Variants in AGBL4 observed in about 807,000 individuals in gnomAD.
AGBL4 encodes the protein AGBL carboxypeptidase 4.
A neutral mutation model predicts 66.4 loss-of-function variants in AGBL4; 58 were observed. The observed-to-expected ratio is 0.87, with a 90% CI of 0.71 to 1.09. AGBL4 has a LOEUF of 1.09. AGBL4 is among the 50% of genes least tolerant of loss of function. The pLI, the probability that AGBL4 is intolerant of heterozygous loss-of-function variation, is 0.00. For missense variants in AGBL4, 579 were observed against 631.0 expected (o/e 0.92, Z 0.88); for synonymous variants, 234 against 222.9 (o/e 1.05, Z -0.44).
intron 2 of AGBL4, among the ~76,000 whole-genome samples, chr1:49,715,034 G>T (rs541232885): frequency 6.6e-6 from 1 of 151,964 alleles, no homozygotes; most frequent in Non-Finnish European, 1.5e-5. Context: ...TGTTACATAG[G>T]TATACACATG....
At chr1:48,651,842 T>C (rs1645935703) in intron 8 of AGBL4, among the ~76,000 whole-genome samples, 1 of 152,228 alleles carries the variant, frequency 6.6e-6, no homozygotes, top group South Asian at 2.1e-4. Context: ...GAGTAAGTAC[T>C]ATTTCATCTC....
chr1:48,590,508 A>T, intron 10 of AGBL4, among the ~76,000 whole-genome samples: 1 of 152,084 alleles, frequency 6.6e-6, no homozygotes, highest in Admixed American at 6.6e-5. Flanking sequence ...GTGAGCCATG[A>T]TCATACCACT....
At chr1:49,073,860 T>C (rs1010773861) in intron 4 of AGBL4, among the ~76,000 whole-genome samples, 12 of 152,196 alleles carry the variant, frequency 7.9e-5, no homozygotes, top group Non-Finnish European at 1.8e-4. Context: ...CAGCTGCCCT[T>C]TCCCCCAGGT....
intron 1 of AGBL4, among the ~76,000 whole-genome samples, chr1:50,022,112 A>G (rs1013094947): frequency 3.3e-5 from 5 of 152,144 alleles, no homozygotes; most frequent in African/African-American, 9.7e-5. Flanking sequence ...CTTCCAGACA[A>G]TATCAGTAAT....
intron 6 of AGBL4, among the ~76,000 whole-genome samples, chr1:48,671,754 C>T (rs1003454639): frequency 1.3e-5 from 2 of 152,180 alleles, no homozygotes; most frequent in African/African-American, 2.4e-5. Flanking sequence ...ACAGGAAAGC[C>T]ACAACTTTGC....
intron 6 of AGBL4, among the ~76,000 whole-genome samples, chr1:48,738,564 A>T (rs1483117842): frequency 1.3e-5 from 2 of 152,210 alleles, no homozygotes; most frequent in Non-Finnish European, 2.9e-5. Context: ...TCCCTTGATG[A>T]CACTTGAAGC....
chr1:49,952,309 G>C (rs541460660), intron 1 of AGBL4, among the ~76,000 whole-genome samples: 1 of 151,746 alleles, frequency 6.6e-6, no homozygotes, highest in South Asian at 2.1e-4. Flanking sequence ...ACATGTAGTG[G>C]GGAATGATAC....
intron 3 of AGBL4, among the ~76,000 whole-genome samples, chr1:49,501,309 TA>T (rs1169263663): frequency 6.6e-6 from 1 of 152,092 alleles, no homozygotes; most frequent in African/African-American, 2.4e-5. Flanking sequence ...ATTATGGTTT[TA>T]CTCCAAAAGA....
intron 3 of AGBL4, among the ~76,000 whole-genome samples, chr1:49,265,346 G>A (rs183649298): frequency 1.3e-5 from 2 of 152,160 alleles, no homozygotes; most frequent in African/African-American, 4.8e-5. Context: ...GTGTGAAATG[G>A]GCAGAACTAC....
intron 4 of AGBL4, among the ~76,000 whole-genome samples, chr1:49,073,912 GA>G (rs1163896117): frequency 3.3e-5 from 5 of 152,296 alleles, no homozygotes; most frequent in African/African-American, 1.2e-4. Flanking sequence ...ATAACTCTCT[GA>G]CTGGGGCTGC....
At chr1:48,728,293 T>C (rs996611759) in intron 6 of AGBL4, among the ~76,000 whole-genome samples, 1 of 152,164 alleles carries the variant, frequency 6.6e-6, no homozygotes, top group Non-Finnish European at 1.5e-5. Context: ...CAGGATACTA[T>C]TGGTTCCTCC....
intron 3 of AGBL4, among the ~76,000 whole-genome samples, chr1:49,692,203 A>G (rs1558166562): frequency 6.6e-6 from 1 of 152,190 alleles, no homozygotes; most frequent in African/African-American, 2.4e-5. Flanking sequence ...TAGTATTATT[A>G]CTTTCATTTT....
intron 3 of AGBL4, among the ~76,000 whole-genome samples, chr1:49,594,594 C>G (rs776195581): frequency 6.6e-6 from 1 of 152,188 alleles, no homozygotes; most frequent in Non-Finnish European, 1.5e-5. Flanking sequence ...CCAACTCCCA[C>G]TTACAAGTGA....
intron 3 of AGBL4, among the ~76,000 whole-genome samples, chr1:49,642,469 T>C (rs1419969426): frequency 6.6e-6 from 1 of 151,944 alleles, no homozygotes; most frequent in Non-Finnish European, 1.5e-5. Context: ...CCAGGATAGC[T>C]AGTTCAAAAG....
intron 4 of AGBL4, among the ~76,000 whole-genome samples, chr1:49,072,988 T>C (rs1165836748): frequency 6.6e-6 from 1 of 152,248 alleles, no homozygotes; most frequent in Non-Finnish European, 1.5e-5. Flanking sequence ...CTTTATTTCA[T>C]TAATTTGATT....
chr1:49,723,055 C>T (rs1048114862), intron 2 of AGBL4, among the ~76,000 whole-genome samples: 7 of 152,096 alleles, frequency 4.6e-5, no homozygotes, highest in Non-Finnish European at 8.8e-5. Flanking sequence ...TAACTCTTAT[C>T]CTTTTTTTCA....
At chr1:49,353,087 A>G (rs1263019626) in intron 3 of AGBL4, among the ~76,000 whole-genome samples, 1 of 152,206 alleles carries the variant, frequency 6.6e-6, no homozygotes, top group Non-Finnish European at 1.5e-5. Context: ...AATTTTCAAG[A>G]CACAAAATAA....
chr1:48,911,644 A>C (rs1428989623), intron 5 of AGBL4, among the ~76,000 whole-genome samples: 1 of 151,690 alleles, frequency 6.6e-6, no homozygotes, highest in Non-Finnish European at 1.5e-5. Flanking sequence ...AAAAAATCAT[A>C]AGGACCAACT....
intron 3 of AGBL4, among the ~76,000 whole-genome samples, chr1:49,644,297 A>G (rs1342396115): frequency 6.6e-6 from 1 of 151,590 alleles, no homozygotes; most frequent in Non-Finnish European, 1.5e-5. Flanking sequence ...TTGAACACAG[A>G]ATAGACAAAT....
Sources: gnomAD v4.1 joint callset for allele counts (sites outside exome capture counted in the v4.1 genomes callset) on GRCh38, gnomAD v4.1.1 for gene constraint, MANE v1.5 for transcripts, NCBI Gene and HGNC (gene_info 2026-07-23, HGNC 2026-07-21) for gene names.